Variants in HNMT observed in about 807,000 individuals in gnomAD.
HNMT encodes the protein histamine N-methyltransferase.
HNMT carries 30 observed loss-of-function variants against 32.1 expected under a neutral mutation model. The ratio of observed to expected loss-of-function variants is 0.93; its 90% confidence interval spans 0.70 to 1.27. The LOEUF is 1.27. Ranked by LOEUF, HNMT falls within the 50% of genes most tolerant of loss-of-function variation. HNMT has a pLI of 0.00. For missense variants in HNMT, 327 were observed against 346.0 expected, an observed-to-expected ratio of 0.95 and a Z score of 0.43; for synonymous variants, 125 against 119.0, an observed-to-expected ratio of 1.05 and a Z score of -0.33.
At chr2:137,967,838 A>G (rs1680005833) in intron 1 of HNMT, among the ~76,000 whole-genome samples, 3 of 152,210 alleles carry the variant, frequency 2.0e-5, no homozygotes, top group Admixed American at 6.5e-5. Context: ...TCCCAGATGT[A>G]ATACCTTCTT....
chr2:138,007,853 C>T (rs1233961486), intron 5 of HNMT, among the ~76,000 whole-genome samples: 1 of 151,974 alleles, frequency 6.6e-6, no homozygotes, highest in East Asian at 1.9e-4. Flanking sequence ...CCCACCGTGA[C>T]TCTTTTTCTC....
At chr2:137,998,571 C>T (rs998427452) in intron 2 of HNMT, among the ~76,000 whole-genome samples, 4 of 152,104 alleles carry the variant, frequency 2.6e-5, no homozygotes, top group African/African-American at 9.7e-5. Context: ...TGTCAGGAAT[C>T]CAGCACACAT....
chr2:137,983,777 T>G (rs994239362), intron 2 of HNMT, among the ~76,000 whole-genome samples: 1 of 152,202 alleles, frequency 6.6e-6, no homozygotes, highest in African/African-American at 2.4e-5. Flanking sequence ...TGTTTGCAGA[T>G]TCCTCTGGTG....
chr2:137,974,149 A>G (rs1215990800), intron 2 of HNMT, among the ~76,000 whole-genome samples: 1 of 152,058 alleles, frequency 6.6e-6, no homozygotes, highest in Non-Finnish European at 1.5e-5. Flanking sequence ...ATGAACAGAA[A>G]AACAGACCAT....
chr2:137,971,636 A>G (rs2104927856), intron 2 of HNMT, among the ~76,000 whole-genome samples: 1 of 152,316 alleles, frequency 6.6e-6, no homozygotes, highest in African/African-American at 2.4e-5. Context: ...AAATGGGAAC[A>G]ATGAATTTTA....
chr2:138,008,015 G>C (rs1681379331), intron 5 of HNMT, among the ~76,000 whole-genome samples: 1 of 151,862 alleles, frequency 6.6e-6, no homozygotes, highest in Non-Finnish European at 1.5e-5. Context: ...TTTAAGTTCA[G>C]GGGTACATCT....
intron 5 of HNMT, among the ~76,000 whole-genome samples, chr2:138,007,301 G>T (rs554764868): frequency 6.6e-6 from 1 of 151,774 alleles, no homozygotes; most frequent in Non-Finnish European, 1.5e-5. Context: ...GCCTCTATTT[G>T]TCAGAATGCT....
At chr2:138,002,249 A>G (rs1681196686) in intron 4 of HNMT, 55 bp downstream of exon 4, 4 of 1,187,888 alleles carry the variant, frequency 3.4e-6, no homozygotes, top group Non-Finnish European at 4.5e-6. Context: ...CAGAATATAT[A>G]TATAATGAAT....
chr2:137,971,862 T>C (rs1281792382), intron 2 of HNMT, among the ~76,000 whole-genome samples: 6 of 152,028 alleles, frequency 3.9e-5, no homozygotes, highest in Non-Finnish European at 8.8e-5. Context: ...AATATGTAGA[T>C]ATATTATTTA....
At position 138,015,553 on chromosome 2, in the gene HNMT, C is replaced by A. The variant is rs750159461; in HGVS notation, c.*1423C>A. 2.0e-5 allele frequency: 3 copies of A among 152,154 alleles called. No homozygotes were observed. The highest frequency in any genetic ancestry group is 4.4e-5 in the Non-Finnish European group (3 of 68,010). 9.4% of individuals were successfully genotyped at this position (152,154 alleles called of 1,614,324 possible). On this transcript the variant is annotated 3_prime_UTR_variant, in exon 6 of 6. Coordinates refer to ENST00000280097, the MANE Select transcript of HNMT (RefSeq NM_006895.3). The stretch of plus-strand genomic sequence containing the variant: ...GTTCATAATAAGTAAAATGGACTTG[C>A]ATTGCTCTCTTTTTTGGACAACTTC...
chr2:137,968,018 T>C (rs1043575489), intron 1 of HNMT, among the ~76,000 whole-genome samples: 1 of 152,112 alleles, frequency 6.6e-6, no homozygotes, highest in Non-Finnish European at 1.5e-5. Context: ...GTTTGTTGAG[T>C]GAGTAGCTCA....
At chr2:137,985,041 G>C (rs894814597) in intron 2 of HNMT, among the ~76,000 whole-genome samples, 13 of 152,030 alleles carry the variant, frequency 8.6e-5, no homozygotes, top group Admixed American at 1.3e-4. Context: ...TCTATTCTCT[G>C]CCTTTGAATA....
At chr2:137,973,138 A>G (rs1320617158) in intron 2 of HNMT, among the ~76,000 whole-genome samples, 1 of 152,232 alleles carries the variant, frequency 6.6e-6, no homozygotes, top group African/African-American at 2.4e-5. Flanking sequence ...TAAGTTATAT[A>G]TACTTAGCTT....
At chr2:138,010,829 T>A (rs1681480978) in intron 5 of HNMT, among the ~76,000 whole-genome samples, 1 of 151,930 alleles carries the variant, frequency 6.6e-6, no homozygotes, top group Non-Finnish European at 1.5e-5. Context: ...TAAAATGGTA[T>A]CAAAGAAAAG....
chr2:138,012,922 C>T (rs1681552229), intron 5 of HNMT, among the ~76,000 whole-genome samples: 1 of 152,060 alleles, frequency 6.6e-6, no homozygotes, highest in Admixed American at 6.6e-5. Context: ...CAGGTGATTA[C>T]AGTAGCCTTC....
At position 137,970,206 on chromosome 2, in the gene HNMT, G is replaced by GC; in HGVS notation, c.180dup (p.Gly61ArgfsTer5). 1 of 1,566,666 alleles carries GC rather than the reference G, an allele frequency of 6.4e-7. No homozygotes were observed. The highest frequency in any genetic ancestry group is 8.7e-7 in the Non-Finnish European group (1 of 1,142,988). ...TCAGAAATTAAGATTCTAAGCATAG[G>GC]CGGAGGTGCAGGTATGAGTAATATA... On this transcript the variant is annotated frameshift_variant, in exon 2 of 6. Transcript: ENST00000280097. LOFTEE classifies it high-confidence loss of function.
chr2:137,987,410 C>T (rs1259725755), intron 2 of HNMT, among the ~76,000 whole-genome samples: 3 of 152,152 alleles, frequency 2.0e-5, no homozygotes, highest in South Asian at 4.2e-4. Flanking sequence ...TTCACTTACC[C>T]CTGAATTTGT....
chr2:138,001,203 A>G (rs1681160272), intron 3 of HNMT, among the ~76,000 whole-genome samples, 178 bp downstream of exon 3: 4 of 152,288 alleles, frequency 2.6e-5, no homozygotes, highest in African/African-American at 9.6e-5. Context: ...TGAACAGTGA[A>G]TAATAAACTC....
At position 138,003,357 on chromosome 2, in the gene HNMT, C is replaced by T. The variant is rs75641981; in HGVS notation, c.429+1163C>T. Among the ~76,000 whole-genome samples the T allele has an allele frequency of 1.4e-4, 22 of 152,150 alleles. No homozygotes were observed. In the East Asian group the frequency reaches 1.9e-3, roughly 13 times the overall value. ...ATGGGTTTTGGAAGTTGGTTACCAA[C>T]GGGAAATGTACGTATTTTGGCAATA... On this transcript the variant is annotated intron_variant, in intron 4 of 5. Transcript: ENST00000280097.
Sources: gnomAD v4.1 joint callset for allele counts (sites outside exome capture counted in the v4.1 genomes callset) on GRCh38, gnomAD v4.1.1 for gene constraint, MANE v1.5 for transcripts, NCBI Gene and HGNC (gene_info 2026-07-23, HGNC 2026-07-21) for gene names.